Variants in KHDRBS2 observed in about 807,000 individuals in gnomAD.
KHDRBS2 encodes the protein KH domain-containing, RNA-binding, signal transduction-associated protein 2.
A neutral mutation model predicts 44.3 loss-of-function variants in KHDRBS2; 26 were observed. The observed-to-expected ratio is 0.59, with a 90% CI of 0.43 to 0.81. The LOEUF (loss-of-function observed/expected upper bound fraction) is 0.81. Ranked by LOEUF, KHDRBS2 falls within the 40% of genes least tolerant of loss-of-function variation. The probability of loss-of-function intolerance (pLI) is 0.00; values close to 1 mark genes in which losing one functional copy is unlikely to be tolerated. For synonymous variants in KHDRBS2, 194 were observed against 151.1 expected (o/e 1.28, Z -2.08); for missense variants, 476 against 433.1 (o/e 1.10, Z -0.88).
At chr6:61,565,272 T>G in the KHDRBS2 span, among the ~76,000 whole-genome samples, 1 of 151,900 alleles carries the variant, frequency 6.6e-6, no homozygotes, top group East Asian at 1.9e-4. Context: ...ATTTCTTGAG[T>G]AAGACAGCAA....
chr6:62,185,727 C>T (rs1823286514), intron 1 of KHDRBS2, among the ~76,000 whole-genome samples: 1 of 151,696 alleles, frequency 6.6e-6, no homozygotes, highest in Admixed American at 6.6e-5. Context: ...TGCCCTAAAC[C>T]CACTAAAATT....
intron 2 of KHDRBS2, among the ~76,000 whole-genome samples, chr6:62,173,070 C>A (rs1562999692): frequency 1.3e-5 from 2 of 151,298 alleles, no homozygotes; most frequent in Non-Finnish European, 2.9e-5. Context: ...TAGCAGAAGA[C>A]AAGGAATAAA....
chr6:62,176,375 A>G (rs570214397), intron 2 of KHDRBS2, among the ~76,000 whole-genome samples: 5 of 151,444 alleles, frequency 3.3e-5, no homozygotes, highest in Admixed American at 1.3e-4. Context: ...CATCTAGTTA[A>G]TTATATTTAC....
chr6:62,068,130 G>A (rs1794177261), intron 2 of KHDRBS2, among the ~76,000 whole-genome samples: 1 of 151,388 alleles, frequency 6.6e-6, no homozygotes, highest in Admixed American at 6.6e-5. Context: ...TTCCAAAGTG[G>A]CTGCAAGATT....
intron 1 of KHDRBS2, among the ~76,000 whole-genome samples, chr6:62,242,140 G>T (rs1465362570): frequency 1.3e-5 from 2 of 152,140 alleles, no homozygotes; most frequent in Non-Finnish European, 1.5e-5. Context: ...GGCAATCCAA[G>T]AGAAAGATCA....
intron 4 of KHDRBS2, among the ~76,000 whole-genome samples, chr6:61,929,390 AC>A (rs1222727237): frequency 1.3e-5 from 2 of 152,290 alleles, no homozygotes; most frequent in Admixed American, 1.3e-4. Flanking sequence ...CAGTTTTTCA[AC>A]CTGCACCAAT....
chr6:61,945,086 G>A (rs1309929909), intron 4 of KHDRBS2, among the ~76,000 whole-genome samples: 1 of 57,392 alleles, frequency 1.7e-5, no homozygotes, highest in African/African-American at 7.0e-5. Context: ...GTGAGACTCT[G>A]TCTTAAAAAA....
At chr6:62,105,633 T>A (rs561798923) in intron 2 of KHDRBS2, among the ~76,000 whole-genome samples, 23 of 152,320 alleles carry the variant, frequency 1.5e-4, no homozygotes, top group African/African-American at 5.5e-4. Flanking sequence ...ATCCCCTTTA[T>A]CATTTTTTAT....
chr6:61,832,885 T>C (rs1356244436), intron 6 of KHDRBS2, among the ~76,000 whole-genome samples: 1 of 152,180 alleles, frequency 6.6e-6, no homozygotes, highest in African/African-American at 2.4e-5. Context: ...CAAAAAAATA[T>C]AATTTATAAA....
At chr6:61,946,280 T>C (rs1376415957) in intron 4 of KHDRBS2, among the ~76,000 whole-genome samples, 2 of 152,196 alleles carry the variant, frequency 1.3e-5, no homozygotes, top group African/African-American at 4.8e-5. Flanking sequence ...AGCAATATCA[T>C]AATGAAAGAA....
At chr6:61,848,496 T>TAC (rs1794804954) in intron 6 of KHDRBS2, among the ~76,000 whole-genome samples, 1 of 56,064 alleles carries the variant, frequency 1.8e-5, no homozygotes, top group African/African-American at 8.6e-5. Flanking sequence ...TATATGTATA[T>TAC]ATATATATAT....
Position 61,749,161 on chromosome 6 carries a change from C to T in KHDRBS2, c.811-16397G>A, listed in dbSNP as rs189454134. Among the ~76,000 whole-genome samples the T allele has an allele frequency of 4.4e-3, 662 of 151,608 alleles. 2 individuals carry two copies. The highest frequency in any genetic ancestry group is 0.015 in the African/African-American group (625 of 41,404). ...CCGAGTAGCTGGGACTACAGGCGCC[C>T]GCCACCATGCCCGGCTAATTTTTTT... On this transcript the variant is annotated intron_variant, in intron 6 of 8. Coordinates refer to ENST00000281156, the MANE Select transcript of KHDRBS2 (RefSeq NM_152688.4).
chr6:61,983,242 T>TTC (rs1734263628), intron 3 of KHDRBS2, among the ~76,000 whole-genome samples: 2 of 137,424 alleles, frequency 1.5e-5, no homozygotes, highest in African/African-American at 5.6e-5. Context: ...CTTTCTTTTT[T>TTC]TTTTTTTTTT....
In KHDRBS2 at chr6:61,938,660, A is replaced by G. The variant is rs1399127529; in HGVS notation, c.484-37289T>C. On this transcript the variant is annotated intron_variant, in intron 4 of 8. Coordinates refer to ENST00000281156, the MANE Select transcript of KHDRBS2 (RefSeq NM_152688.4). ...TTCTAAAAGGATGAAGGCTCAGACT[A>G]GTAGATTGCTAAGGGGAGTGGAAAA... Among the ~76,000 whole-genome samples, 5 of 152,286 alleles carry G rather than the reference A, an allele frequency of 3.3e-5. No individual in the cohort carries two copies. The East Asian group carries it at 9.6e-4, about 29-fold the overall frequency.
intron 6 of KHDRBS2, among the ~76,000 whole-genome samples, chr6:61,834,060 A>C (rs576918450): frequency 5.9e-5 from 9 of 152,228 alleles, no homozygotes; most frequent in Middle Eastern, 3.4e-3. Flanking sequence ...TAAATGGAAA[A>C]TCATTTTACT....
chr6:62,096,138 T>C (rs969567749), intron 2 of KHDRBS2, among the ~76,000 whole-genome samples: 3 of 151,982 alleles, frequency 2.0e-5, no homozygotes, highest in African/African-American at 4.8e-5. Flanking sequence ...GGTGGGGATT[T>C]TTTGCATCTA....
chr6:61,918,256 G>A (rs1386017504), intron 4 of KHDRBS2, among the ~76,000 whole-genome samples: 4 of 151,832 alleles, frequency 2.6e-5, no homozygotes, highest in Admixed American at 6.6e-5. Context: ...TCAAAACGAA[G>A]AACTCCGAAA....
intron 6 of KHDRBS2, among the ~76,000 whole-genome samples, chr6:61,769,130 T>G (rs184815296): frequency 8.4e-4 from 128 of 152,304 alleles, no homozygotes; most frequent in African/African-American, 3.1e-3. Flanking sequence ...AGGCTGACGT[T>G]AAATGAAAGT....
intron 8 of KHDRBS2, among the ~76,000 whole-genome samples, chr6:61,692,909 G>A (rs1561976503): frequency 6.6e-6 from 1 of 152,024 alleles, no homozygotes; most frequent in Non-Finnish European, 1.5e-5. Context: ...AGTCTAGGGG[G>A]TTGCCAGGAA....
Sources: allele counts gnomAD v4.1 joint callset (sites outside exome capture counted in the v4.1 genomes callset), GRCh38; gene constraint gnomAD v4.1.1; transcripts MANE v1.5; gene names NCBI Gene and HGNC (gene_info 2026-07-23, HGNC 2026-07-21).